The following ARHGAP15 variants were observed in gnomAD, a reference collection of about 807,000 sequenced individuals.
The protein encoded by ARHGAP15 is rho GTPase-activating protein 15.
ARHGAP15 carries 51 observed loss-of-function variants against 63.7 expected under a neutral mutation model. That is an observed-to-expected ratio of 0.80 (90% CI 0.64 to 1.01). The LOEUF is 1.01. ARHGAP15 is among the 50% of genes least tolerant of loss of function. ARHGAP15 has a pLI of 0.00. For missense variants in ARHGAP15, 560 were observed against 564.6 expected (o/e 0.99, Z 0.08); for synonymous variants, 191 against 193.8 (o/e 0.99, Z 0.12).
chr2:143,692,167 G>A (rs1219257891), intron 12 of ARHGAP15, among the ~76,000 whole-genome samples: 2 of 152,152 alleles, frequency 1.3e-5, no homozygotes, highest in Non-Finnish European at 2.9e-5. Context: ...GGAGCTTTCT[G>A]TAATAGGCAG....
intron 6 of ARHGAP15, among the ~76,000 whole-genome samples, chr2:143,254,803 A>G (rs1221052787): frequency 1.3e-5 from 2 of 152,186 alleles, no homozygotes; most frequent in Non-Finnish European, 2.9e-5. Context: ...TTTTAGCTGA[A>G]TAATTGTTAC....
intron 5 of ARHGAP15, among the ~76,000 whole-genome samples, chr2:143,245,627 T>C (rs1013402856): frequency 6.6e-6 from 1 of 151,904 alleles, no homozygotes; most frequent in African/African-American, 2.4e-5. Context: ...TCTTCTTTTT[T>C]TTTTTTAAAC....
At chr2:143,333,031 C>T (rs1158061522) in intron 6 of ARHGAP15, among the ~76,000 whole-genome samples, 1 of 149,956 alleles carries the variant, frequency 6.7e-6, no homozygotes, top group African/African-American at 2.5e-5. Context: ...TTGGCATCGT[C>T]AGAAGATGAA....
chr2:143,267,893 G>A (rs535583103), intron 6 of ARHGAP15, among the ~76,000 whole-genome samples: 49 of 151,940 alleles, frequency 3.2e-4, no homozygotes, highest in Non-Finnish European at 5.9e-4. Context: ...ATATCCATGT[G>A]GGCATGTATA....
In ARHGAP15 at chr2:143,686,560, T is replaced by C. The variant is rs562619337; in HGVS notation, c.1139-16859T>C. 5.3e-5 allele frequency among the ~76,000 whole-genome samples: 8 copies of C among 152,258 alleles called. No individual in the cohort carries two copies. In the East Asian group the frequency reaches 1.5e-3, roughly 29 times the overall value. The stretch of plus-strand genomic sequence containing the variant: ...TTACATTTGTTGGAGATTAGTATTG[T>C]CTTTTTATATCCCTTAAAAGTGAAA... On this transcript the variant is annotated intron_variant, in intron 12 of 13. Coordinates refer to ENST00000295095, the MANE Select transcript of ARHGAP15 (RefSeq NM_018460.4).
At chr2:143,554,758 T>C (rs1233100643) in intron 10 of ARHGAP15, among the ~76,000 whole-genome samples, 2 of 152,102 alleles carry the variant, frequency 1.3e-5, no homozygotes, top group East Asian at 3.9e-4. Context: ...AAAATTTTAA[T>C]TAGGACTATT....
At chr2:143,276,319 G>A (rs1026627331) in intron 6 of ARHGAP15, among the ~76,000 whole-genome samples, 1 of 152,170 alleles carries the variant, frequency 6.6e-6, no homozygotes, top group African/African-American at 2.4e-5. Flanking sequence ...CTTACCAAAT[G>A]TATAGCTTGG....
At chr2:143,352,504 A>G (rs1248212084) in intron 6 of ARHGAP15, among the ~76,000 whole-genome samples, 1 of 152,194 alleles carries the variant, frequency 6.6e-6, no homozygotes, top group Non-Finnish European at 1.5e-5. Flanking sequence ...AATGTGGCCC[A>G]TACTTTCCAT....
At chr2:143,509,878 G>T (rs965818321) in intron 9 of ARHGAP15, among the ~76,000 whole-genome samples, 3 of 151,874 alleles carry the variant, frequency 2.0e-5, no homozygotes, top group African/African-American at 7.3e-5. Context: ...AAAATTAGCT[G>T]GGTGTGCTGG....
chr2:143,584,368 G>C (rs532607696), intron 11 of ARHGAP15, among the ~76,000 whole-genome samples: 5 of 152,178 alleles, frequency 3.3e-5, no homozygotes, highest in South Asian at 4.1e-4. Flanking sequence ...GCTCATGCCT[G>C]TAATATCAGC....
chr2:143,167,761 G>T (rs1473114573), intron 2 of ARHGAP15, among the ~76,000 whole-genome samples: 1 of 152,106 alleles, frequency 6.6e-6, no homozygotes, highest in Non-Finnish European at 1.5e-5. Flanking sequence ...GTCTAAACAG[G>T]GGTTACCATC....
At chr2:143,211,843 A>G (rs2105134515) in intron 3 of ARHGAP15, among the ~76,000 whole-genome samples, 1 of 152,250 alleles carries the variant, frequency 6.6e-6, no homozygotes, top group East Asian at 1.9e-4. Flanking sequence ...ACATCAAAGA[A>G]CCTAGGAAGC....
intron 2 of ARHGAP15, among the ~76,000 whole-genome samples, chr2:143,165,499 A>G (rs1386775432): frequency 6.6e-6 from 1 of 152,118 alleles, no homozygotes; most frequent in Non-Finnish European, 1.5e-5. Flanking sequence ...ACAAAGTGAC[A>G]GTTTTGTTTG....
intron 12 of ARHGAP15, among the ~76,000 whole-genome samples, chr2:143,674,599 T>C (rs886867311): frequency 3.9e-5 from 6 of 152,158 alleles, no homozygotes; most frequent in African/African-American, 1.4e-4. Context: ...AGAGAGATTG[T>C]GGGGTCAATT....
At chr2:143,231,516 A>G (rs182803819) in intron 5 of ARHGAP15, among the ~76,000 whole-genome samples, 8 of 152,344 alleles carry the variant, frequency 5.3e-5, no homozygotes, top group Admixed American at 2.0e-4. Flanking sequence ...TTGAATGTCC[A>G]TACAAAGTTT....
chr2:143,278,901 G>A (rs1312008597), intron 6 of ARHGAP15, among the ~76,000 whole-genome samples: 2 of 142,456 alleles, frequency 1.4e-5, no homozygotes, highest in African/African-American at 5.3e-5. Flanking sequence ...CTACATGTAA[G>A]ATGGATTAAA....
intron 6 of ARHGAP15, among the ~76,000 whole-genome samples, chr2:143,273,738 AT>A (rs1330918547): frequency 3.9e-5 from 6 of 152,138 alleles, no homozygotes; most frequent in African/African-American, 1.4e-4. Context: ...TTGTAAATTA[AT>A]TTTTAACCTA....
chr2:143,453,531 A>C (rs1690503821), intron 8 of ARHGAP15, among the ~76,000 whole-genome samples: 1 of 152,168 alleles, frequency 6.6e-6, no homozygotes, highest in Non-Finnish European at 1.5e-5. Context: ...CTTCCATAGT[A>C]TTTGGAAAAG....
intron 12 of ARHGAP15, among the ~76,000 whole-genome samples, chr2:143,637,588 A>G (rs1230347506): frequency 6.6e-6 from 1 of 152,122 alleles, no homozygotes; most frequent in Non-Finnish European, 1.5e-5. Context: ...ATATTTACAA[A>G]CCTGAGCAGT....
Sources: gnomAD v4.1 joint callset for allele counts (sites outside exome capture counted in the v4.1 genomes callset) on GRCh38, gnomAD v4.1.1 for gene constraint, MANE v1.5 for transcripts, NCBI Gene and HGNC (gene_info 2026-07-23, HGNC 2026-07-21) for gene names.